The following PPP2R2B variants were observed in gnomAD, a reference collection of about 807,000 sequenced individuals.
PPP2R2B encodes protein phosphatase 2 regulatory subunit Bbeta.
A neutral mutation model predicts 46.0 loss-of-function variants in PPP2R2B; 5 were observed. The observed-to-expected ratio is 0.11, with a 90% CI of 0.06 to 0.23. The LOEUF is 0.23. Ranked by LOEUF, PPP2R2B falls within the 10% of genes least tolerant of loss-of-function variation. PPP2R2B has a pLI of 1.00. For missense variants in PPP2R2B, 367 were observed against 575.0 expected, an observed-to-expected ratio of 0.64 and a Z score of 3.70; for synonymous variants, 215 against 206.7, an observed-to-expected ratio of 1.04 and a Z score of -0.34.
At chr5:146,688,975 G>T (rs1016236922) in intron 5 of PPP2R2B, among the ~76,000 whole-genome samples, 18 of 152,130 alleles carry the variant, frequency 1.2e-4, no homozygotes, top group African/African-American at 4.3e-4. Context: ...TATATTGCCA[G>T]TACGGTGTTT....
chr5:146,871,778 A>G (rs1761628978), intron 2 of PPP2R2B, among the ~76,000 whole-genome samples: 1 of 152,222 alleles, frequency 6.6e-6, no homozygotes, highest in Non-Finnish European at 1.5e-5. Context: ...CACAGTCATG[A>G]GCTCTAATCT....
At chr5:146,960,313 G>A (rs544258849) in intron 1 of PPP2R2B, among the ~76,000 whole-genome samples, 1 of 151,696 alleles carries the variant, frequency 6.6e-6, no homozygotes, top group Admixed American at 6.6e-5. Context: ...TTTTTTTGAC[G>A]GAGTCTCACT....
At chr5:147,058,413 C>T (rs1416754880), upstream of PPP2R2B, among the ~76,000 whole-genome samples, 1 of 152,126 alleles carries the variant, frequency 6.6e-6, no homozygotes, top group Non-Finnish European at 1.5e-5. Flanking sequence ...ATAGTAGGCA[C>T]TCAGTAATTA....
chr5:146,781,753 A>ATAC (rs1755544921), intron 2 of PPP2R2B, among the ~76,000 whole-genome samples: 1 of 152,218 alleles, frequency 6.6e-6, no homozygotes, highest in African/African-American at 2.4e-5. Context: ...TGAAAACAGT[A>ATAC]TATTTCAGGA....
At chr5:146,667,615 A>G (rs1777086371) in intron 5 of PPP2R2B, among the ~76,000 whole-genome samples, 1 of 152,052 alleles carries the variant, frequency 6.6e-6, no homozygotes, top group Non-Finnish European at 1.5e-5. Context: ...ACAGAAAAAT[A>G]TTACAGATCA....
At chr5:146,933,883 C>A (rs1443401671) in intron 1 of PPP2R2B, among the ~76,000 whole-genome samples, 1 of 146,952 alleles carries the variant, frequency 6.8e-6, no homozygotes, top group African/African-American at 2.5e-5. Flanking sequence ...TTCCTGTGTC[C>A]ATGTGGTCTC....
At chr5:146,940,630 A>G (rs966769868) in intron 1 of PPP2R2B, among the ~76,000 whole-genome samples, 5 of 152,154 alleles carry the variant, frequency 3.3e-5, no homozygotes, top group Non-Finnish European at 7.3e-5. Flanking sequence ...TGATTTCCCA[A>G]CAAAATCCCT....
In PPP2R2B at chr5:146,627,910, G is replaced by A. The variant is rs79059404; in HGVS notation, c.790+10341C>T. On this transcript the variant is annotated intron_variant, in intron 7 of 9. Transcript: ENST00000394411. Reference sequence around the variant, plus strand: ...CCTTCTTCTCATTGGAACTCGGGCTGTTTCTCCAATGACTACACTGTTCAC... The same window carrying A: ...CCTTCTTCTCATTGGAACTCGGGCTATTTCTCCAATGACTACACTGTTCAC... 4.6e-5 allele frequency among the ~76,000 whole-genome samples: 7 copies of A among 151,882 alleles called. No individual in the cohort carries two copies. The East Asian group carries it at 1.4e-3, about 29-fold the overall frequency.
intron 5 of PPP2R2B, among the ~76,000 whole-genome samples, chr5:146,657,316 A>G (rs1776395791): frequency 6.6e-6 from 1 of 152,236 alleles, no homozygotes; most frequent in South Asian, 2.1e-4. Flanking sequence ...GATTCAAGGC[A>G]AGACTCGGAG....
At chr5:146,668,069 C>T (rs1777119720) in intron 5 of PPP2R2B, among the ~76,000 whole-genome samples, 2 of 152,202 alleles carry the variant, frequency 1.3e-5, no homozygotes, top group Non-Finnish European at 2.9e-5. Flanking sequence ...ATCCATATCC[C>T]TAAATCATCC....
rs571777285 is a variant in PPP2R2B, at chr5:146,696,294, CG to C, written c.334+1684del. Among the ~76,000 whole-genome samples, 96 of 152,158 alleles carry C rather than the reference CG, an allele frequency of 6.3e-4. 2 individuals are homozygous for C. The highest frequency in any genetic ancestry group is 6.8e-3 in the Middle Eastern group (2 of 294). On this transcript the variant is annotated intron_variant, in intron 4 of 9. Transcript: ENST00000394411. Reference sequence around the variant, plus strand: ...AATTTTTTTGTATTTTTAGTAGGGACGGGGTTTCACCGTGTTAGCCAGGATG... The same window carrying C: ...AATTTTTTTGTATTTTTAGTAGGGACGGGTTTCACCGTGTTAGCCAGGATG...
intron 1 of PPP2R2B, among the ~76,000 whole-genome samples, chr5:147,002,195 C>G (rs1343532926): frequency 6.6e-6 from 1 of 152,126 alleles, no homozygotes; most frequent in Non-Finnish European, 1.5e-5. Context: ...CTGTTACCTT[C>G]TTTAGGCACC....
At chr5:147,021,503 A>G (rs2151885247) in intron 1 of PPP2R2B, among the ~76,000 whole-genome samples, 1 of 152,316 alleles carries the variant, frequency 6.6e-6, no homozygotes, top group South Asian at 2.1e-4. Flanking sequence ...GTGAGCCTAA[A>G]ATACTGGGGA....
chr5:146,834,763 A>G (rs572167028), intron 2 of PPP2R2B, among the ~76,000 whole-genome samples: 4 of 152,206 alleles, frequency 2.6e-5, no homozygotes, highest in Middle Eastern at 3.4e-3. Context: ...CTTCCAATCC[A>G]TGCCCTCTTT....
At chr5:146,597,362 C>T (rs1170828733) in intron 8 of PPP2R2B, among the ~76,000 whole-genome samples, 1 of 152,104 alleles carries the variant, frequency 6.6e-6, no homozygotes, top group Non-Finnish European at 1.5e-5. Flanking sequence ...GCTGTTGTTA[C>T]CTCCTGTCTT....
chr5:146,652,390 G>A (rs74489779), intron 5 of PPP2R2B, among the ~76,000 whole-genome samples: 4,044 of 152,226 alleles, frequency 0.027, 171 homozygotes, highest in African/African-American at 0.092. Flanking sequence ...GTCCTGGAGT[G>A]TTCAACTGGT....
At chr5:146,904,940 CA>C (rs1390046725) in intron 1 of PPP2R2B, among the ~76,000 whole-genome samples, 1 of 152,132 alleles carries the variant, frequency 6.6e-6, no homozygotes, top group Non-Finnish European at 1.5e-5. Flanking sequence ...CTATTTAAAA[CA>C]ACTTTTACAA....
intron 2 of PPP2R2B, among the ~76,000 whole-genome samples, chr5:146,743,183 G>C (rs892714637): frequency 6.6e-6 from 1 of 152,144 alleles, no homozygotes; most frequent in Non-Finnish European, 1.5e-5. Context: ...CTTAACAACA[G>C]CCTTTTGGTC....
chr5:146,867,856 AT>A (rs982474762), intron 2 of PPP2R2B, among the ~76,000 whole-genome samples: 3 of 152,178 alleles, frequency 2.0e-5, no homozygotes, highest in Non-Finnish European at 4.4e-5. Flanking sequence ...GCAATAAATA[AT>A]TTTTGTTTGA....
Sources: gnomAD v4.1 joint callset for allele counts (sites outside exome capture counted in the v4.1 genomes callset) on GRCh38, gnomAD v4.1.1 for gene constraint, MANE v1.5 for transcripts, NCBI Gene and HGNC (gene_info 2026-07-23, HGNC 2026-07-21) for gene names.